Variants in CWF19L2 observed in about 807,000 individuals in gnomAD.
The protein encoded by CWF19L2 is CWF19 like cell cycle control factor 2, also known as CWF19-like protein 2.
A neutral mutation model predicts 111.7 loss-of-function variants in CWF19L2; 98 were observed. The ratio of observed to expected loss-of-function variants is 0.88; its 90% confidence interval spans 0.75 to 1.04. The LOEUF (loss-of-function observed/expected upper bound fraction) is 1.04. Ranked by LOEUF, CWF19L2 falls within the 50% of genes least tolerant of loss-of-function variation. The pLI is 0.00. For synonymous variants in CWF19L2, 351 were observed against 342.9 expected, an observed-to-expected ratio of 1.02 and a Z score of -0.26; for missense variants, 1,101 against 1,051.4, an observed-to-expected ratio of 1.05 and a Z score of -0.65.
intron 1 of CWF19L2, 77 bp from the exon 2 acceptor site, chr11:107,455,853 T>C: frequency 1.3e-6 from 1 of 789,800 alleles, no homozygotes; most frequent in Non-Finnish European, 2.1e-6. Flanking sequence ...AACAAAAACC[T>C]CTGTCATTTT....
chr11:107,403,781 A>G (rs1379564425), intron 10 of CWF19L2: 1 of 886,938 alleles, frequency 1.1e-6, no homozygotes, highest in Non-Finnish European at 1.9e-6. Context: ...CTCAGCTGCA[A>G]CTTTCTCCAT....
intron 12 of CWF19L2, among the ~76,000 whole-genome samples, chr11:107,367,422 C>T (rs1860446236): frequency 7.9e-6 from 1 of 126,408 alleles, no homozygotes; most frequent in Admixed American, 7.8e-5. Context: ...GACTTGGAAC[C>T]AACCCAAATG....
At position 107,439,056 on chromosome 11, in the gene CWF19L2, ACCCTGTGTGTCTAT is replaced by A; in HGVS notation, c.664+20_664+33del. The A allele has an allele frequency of 9.2e-6, 9 of 978,942 alleles. No homozygotes were observed. Among genetic ancestry groups the A allele is most frequent in the South Asian group, 1.5e-5 (1 of 65,864 alleles). The allele number at this position is 978,942 out of a possible 1,614,324, so 60.6% of individuals were successfully genotyped here. ...TCTCGAAAAAAAAAAAAAAAAAAAA[ACCCTGTGTGTCTAT>A]AATCAAAATGTAGAAATACCTTTAG... On this transcript the variant is annotated intron_variant, in intron 6 of 17. Transcript: ENST00000282251.
In CWF19L2 at chr11:107,416,396, C is replaced by T. The variant is rs1861227150; in HGVS notation, c.1528-98G>A. On this transcript the variant is annotated intron_variant, in intron 9 of 17. Coordinates refer to ENST00000282251, the MANE Select transcript of CWF19L2 (RefSeq NM_152434.3). ...CACAACAGAAGGAAAAACAGCATAA[C>T]CAACACTCATGTAGCCTTCATCTAA... 1.1e-5 allele frequency: 5 copies of T among 456,170 alleles called. No homozygotes were observed. The South Asian group carries it at 2.0e-4, about 18-fold the overall frequency. 28.3% of individuals were successfully genotyped at this position (456,170 alleles called of 1,614,324 possible).
At chr11:107,412,318 G>C (rs1007252756) in intron 10 of CWF19L2, among the ~76,000 whole-genome samples, 3 of 152,122 alleles carry the variant, frequency 2.0e-5, no homozygotes, top group Non-Finnish European at 2.9e-5. Flanking sequence ...CGCATTCCTT[G>C]ATATTTACCC....
At chr11:107,440,390 A>T (rs1565286004) in intron 5 of CWF19L2, among the ~76,000 whole-genome samples, 1 of 152,192 alleles carries the variant, frequency 6.6e-6, no homozygotes, top group African/African-American at 2.4e-5. Flanking sequence ...ACGAAAAAGA[A>T]CCTTCAAAGG....
At chr11:107,442,552 C>A (rs1861632987) in intron 4 of CWF19L2, among the ~76,000 whole-genome samples, 1 of 145,606 alleles carries the variant, frequency 6.9e-6, no homozygotes, top group African/African-American at 2.5e-5. Flanking sequence ...GCGTGGTGGG[C>A]ACACAACTGT....
chr11:107,348,685 T>C (rs1247111387), intron 14 of CWF19L2: 1 of 209,792 alleles, frequency 4.8e-6, no homozygotes, highest in African/African-American at 2.3e-5. Flanking sequence ...GACTGATTTT[T>C]TTAAGTAAAA....
intron 3 of CWF19L2, among the ~76,000 whole-genome samples, chr11:107,452,855 T>C (rs1291863994): frequency 6.6e-6 from 1 of 152,128 alleles, no homozygotes; most frequent in East Asian, 1.9e-4. Context: ...ACTACATCTG[T>C]AGTCATAGCT....
rs1861432349 is a variant in CWF19L2 at position 107,429,436 on chromosome 11, G to A, written c.796C>T (p.Gln266Ter). ...AERYGSMEIF[Q>*]SKLEDAEKAA... ...TTTTCAGCATCTTCTAATTTTGACT[G>A]AAATATTTCCATTGACTACAAAGGA... The change falls in exon 8 of 18, where the codon CAG becomes TAG. Residue 266 changes from glutamine to a stop codon, truncating the protein, a stop_gained. Coordinates refer to ENST00000282251, the MANE Select transcript of CWF19L2 (RefSeq NM_152434.3). LOFTEE classifies it high-confidence loss of function. 6.4e-7 allele frequency: 1 copy of A among 1,553,048 alleles called. No homozygotes were observed. Among genetic ancestry groups the A allele is most frequent in the Non-Finnish European group, 8.7e-7 (1 of 1,150,310 alleles).
intron 6 of CWF19L2, among the ~76,000 whole-genome samples, chr11:107,436,551 T>G (rs1443417817): frequency 6.6e-6 from 1 of 152,202 alleles, no homozygotes; most frequent in African/African-American, 2.4e-5. Flanking sequence ...ATTAACTTCT[T>G]TGGACCTTTG....
In CWF19L2 at chr11:107,455,724, C is replaced by T. The variant is rs749531533; in HGVS notation, c.158G>A (p.Arg53Gln). 18 of 1,551,130 alleles carry T rather than the reference C, an allele frequency of 1.2e-5. No homozygotes were observed. The highest frequency in any genetic ancestry group is 1.4e-5 in the African/African-American group (1 of 72,980). Residue 53 changes from arginine to glutamine, a missense_variant, in exon 2 of 18, where the codon CGG becomes CAG. By Grantham distance (43) the Arg-to-Gln change is conservative. Coordinates refer to ENST00000282251, the MANE Select transcript of CWF19L2 (RefSeq NM_152434.3). ...EERRKELKRL[R>Q]GEDTWMLPDV... ...AGGTAGCATCCATGTATCCTCACCCCGAAGTCGCTTAAGTTCTTTACGCCT... is the reference window on the plus strand; with the variant it reads ...AGGTAGCATCCATGTATCCTCACCCTGAAGTCGCTTAAGTTCTTTACGCCT...
At position 107,429,240 on chromosome 11, in the gene CWF19L2, T is replaced by C; in HGVS notation, c.992A>G (p.Lys331Arg). The change falls in exon 8 of 18, where the codon AAA becomes AGA. Residue 331 changes from lysine to arginine, a missense_variant. Lys to Arg is a conservative substitution (Grantham distance 26). Transcript: ENST00000282251. ...CTTATCTTTTTCATCACCAATAAAT[T>C]TTTCATTATTGCTATTTTTTGCAGT... is the stretch of plus-strand genomic sequence containing the variant. ...TDTAKNSNNEKFIGDEKDKRP... is the reference protein window; with the variant it reads ...TDTAKNSNNERFIGDEKDKRP... 6.2e-7 allele frequency: 1 copy of C among 1,612,384 alleles called. No individual in the cohort carries two copies. The highest frequency in any genetic ancestry group is 8.5e-7 in the Non-Finnish European group (1 of 1,179,436).
intron 4 of CWF19L2, 40 bp downstream of exon 4, chr11:107,442,899 A>C: frequency 3.9e-6 from 5 of 1,266,226 alleles, no homozygotes; most frequent in Non-Finnish European, 5.6e-6. Context: ...GAAGGAAGGA[A>C]GGAAGAAAGC....
chr11:107,360,783 C>T (rs919747187), intron 12 of CWF19L2, among the ~76,000 whole-genome samples: 3 of 152,154 alleles, frequency 2.0e-5, no homozygotes, highest in African/African-American at 7.2e-5. Flanking sequence ...TTTGCATATC[C>T]TCTTTTGAAA....
At chr11:107,385,385 C>A (rs940263326) in intron 12 of CWF19L2, among the ~76,000 whole-genome samples, 1 of 151,616 alleles carries the variant, frequency 6.6e-6, no homozygotes. Flanking sequence ...TACAACACTA[C>A]TACAAATTCA....
intron 12 of CWF19L2, among the ~76,000 whole-genome samples, chr11:107,356,683 A>G (rs186086198): frequency 1.3e-5 from 2 of 152,312 alleles, no homozygotes; most frequent in East Asian, 3.9e-4. Flanking sequence ...CATGCCAGAT[A>G]GTAATTCTAA....
At chr11:107,430,732 A>T (rs1861453950) in intron 7 of CWF19L2, among the ~76,000 whole-genome samples, 1 of 152,120 alleles carries the variant, frequency 6.6e-6, no homozygotes, top group Non-Finnish European at 1.5e-5. Flanking sequence ...GGGGATGAGA[A>T]GATGGAGGTC....
intron 12 of CWF19L2, among the ~76,000 whole-genome samples, chr11:107,362,764 G>A (rs1208761963): frequency 5.9e-5 from 9 of 151,608 alleles, no homozygotes; most frequent in South Asian, 4.1e-4. Flanking sequence ...AACGCAGAGC[G>A]CCTCTCCTCC....
Sources: allele counts gnomAD v4.1 joint callset (sites outside exome capture counted in the v4.1 genomes callset), GRCh38; gene constraint gnomAD v4.1.1; transcripts MANE v1.5; gene names NCBI Gene and HGNC (gene_info 2026-07-23, HGNC 2026-07-21).